NOMO3: variants seen among roughly 807,000 people sequenced by gnomAD.
NOMO3 encodes the protein NODAL modulator 3, also known as BOS complex subunit NOMO3.
NOMO3 carries 15 observed loss-of-function variants against 69.9 expected under a neutral mutation model. The ratio of observed to expected loss-of-function variants is 0.21; its 90% CI spans 0.14 to 0.33. The LOEUF (loss-of-function observed/expected upper bound fraction) is 0.33, where lower values mean the gene tolerates loss of function less well. NOMO3 is among the 10% of genes least tolerant of loss of function. The pLI, the probability that NOMO3 is intolerant of heterozygous loss-of-function variation, is 1.00. For synonymous variants in NOMO3, 89 were observed against 301.9 expected (o/e 0.29, Z 7.31); for missense variants, 218 against 761.0 (o/e 0.29, Z 8.39).
At chr16:16,234,462 T>TGA (rs2049309984) in intron 1 of NOMO3, among the ~76,000 whole-genome samples, 3 of 143,922 alleles carry the variant, frequency 2.1e-5, no homozygotes, top group Non-Finnish European at 4.5e-5. Context: ...CATTCTTTCA[T>TGA]AAGTAATTCA....
Position 16,270,178 on chromosome 16 carries a change from A to C in NOMO3, c.1952A>C (p.Tyr651Ser), listed in dbSNP as rs759476330. 6.4e-7 allele frequency: 1 copy of C among 1,560,658 alleles called. No homozygotes were observed. Among genetic ancestry groups the C allele is most frequent in the East Asian group, 2.6e-5 (1 of 37,992 alleles). ...CGGTTTGAGCAAGCGTTCTACACCT[A>C]TGACACGTAAGCCTGGGAATTGAAT... Reference protein sequence around the residue: ...CHRFEQAFYTYDTSSPSILTL... With the variant: ...CHRFEQAFYTSDTSSPSILTL... The change falls in exon 17 of 31, where the codon TAT becomes TCT. Residue 651 changes from tyrosine to serine, a missense_variant. By Grantham distance (144) the Tyr-to-Ser change is moderately radical. Transcript: ENST00000399336.
intron 1 of NOMO3, among the ~76,000 whole-genome samples, chr16:16,234,990 C>G (rs2049315299): frequency 6.6e-6 from 1 of 151,944 alleles, no homozygotes; most frequent in Admixed American, 6.6e-5. Context: ...TTGATGTTGC[C>G]TCCCTAACCG....
chr16:16,243,419 G>A (rs1350332453), intron 4 of NOMO3, among the ~76,000 whole-genome samples, 158 bp downstream of exon 4: 1 of 143,586 alleles, frequency 7.0e-6, no homozygotes, highest in Non-Finnish European at 1.5e-5. Context: ...TACTTCATCC[G>A]TGTAGAACAC....
In NOMO3 at chr16:16,270,153, C is replaced by A; in HGVS notation, c.1927C>A (p.Arg643=). ...VYKVTPRSCH[R]FEQAFYTYDT... ...CAAAGTGACCCCTCGCTCCTGCCAC[C>A]GGTTTGAGCAAGCGTTCTACACCTA... The change falls in exon 17 of 31, where the codon CGG becomes AGG. Residue 643 remains arginine, a synonymous_variant. Transcript: ENST00000399336. 1 of 1,554,144 alleles carries A rather than the reference C, an allele frequency of 6.4e-7. No individual in the cohort carries two copies. The highest frequency in any genetic ancestry group is 1.1e-5 in the South Asian group (1 of 87,514).
chr16:16,260,361 T>C (rs570862444), intron 11 of NOMO3, among the ~76,000 whole-genome samples: 1 of 140,894 alleles, frequency 7.1e-6, no homozygotes, highest in East Asian at 2.3e-4. Flanking sequence ...CACTTAAGAG[T>C]GTAAAATTCT....
chr16:16,267,758 T>A lies in NOMO3; in HGVS notation c.1894+627T>A, dbSNP rs1466011923. ...CCTCTCTCTCTTTTATAATGGCTTT[T>A]TTTGGAGGCAGAATTTGCATATCAT... is the stretch of plus-strand genomic sequence containing the variant. On this transcript the variant is annotated intron_variant, in intron 16 of 30. Coordinates refer to ENST00000399336, the MANE Select transcript of NOMO3 (RefSeq NM_001004067.4). Among the ~76,000 whole-genome samples the A allele has an allele frequency of 4.2e-5, 6 of 142,830 alleles. 1 individual carries two copies. The highest frequency in any genetic ancestry group is 5.9e-5 in the Non-Finnish European group (4 of 67,620). The allele number at this position is 142,830 out of a possible 152,430, so 93.7% of individuals were successfully genotyped here. A position where few individuals can be genotyped will look rare whatever the true frequency, so the allele number is the denominator to read the frequency against.
At chr16:16,263,465 G>A in intron 13 of NOMO3, 48 bp from the exon 14 acceptor site, 1 of 704,492 alleles carries the variant, frequency 1.4e-6, no homozygotes, top group Non-Finnish European at 2.3e-6. Flanking sequence ...AACCTGTGCT[G>A]AAGCCTTATA....
intron 9 of NOMO3, among the ~76,000 whole-genome samples, chr16:16,255,307 C>T (rs1263114139): frequency 1.4e-5 from 2 of 140,460 alleles, no homozygotes; most frequent in African/African-American, 3.0e-5. Context: ...CAGGACTGAT[C>T]GATGCTGGAG....
intron 15 of NOMO3, among the ~76,000 whole-genome samples, chr16:16,266,228 G>A (rs2049618265): frequency 7.4e-6 from 1 of 135,574 alleles, no homozygotes; most frequent in Non-Finnish European, 1.5e-5. Context: ...GGTGTTTCAT[G>A]TGCCAACTTA....
chr16:16,241,120 A>C (rs1370039718), intron 3 of NOMO3, among the ~76,000 whole-genome samples: 3 of 143,942 alleles, frequency 2.1e-5, no homozygotes, highest in African/African-American at 8.4e-5. Context: ...CCAGATAATA[A>C]GATAGCACTT....
chr16:16,232,606 G>A lies in NOMO3; in HGVS notation c.-61G>A. The A allele has an allele frequency of 2.5e-6, 1 of 403,400 alleles. No homozygotes were observed. The highest frequency in any genetic ancestry group is 3.9e-5 in the East Asian group (1 of 25,552). 25.0% of individuals were successfully genotyped at this position (403,400 alleles called of 1,614,324 possible). On this transcript the variant is annotated 5_prime_UTR_variant, in exon 1 of 31. The change creates a new upstream start codon in the 5' untranslated region. Coordinates refer to ENST00000399336, the MANE Select transcript of NOMO3 (RefSeq NM_001004067.4). ...CTAGGAGGAGGAAGGAGCCTGCGGC[G>A]TGCAGTGTGAGGGGCGGGACCCGGC...
intron 9 of NOMO3, among the ~76,000 whole-genome samples, chr16:16,254,769 G>A (rs1416103908): frequency 6.9e-6 from 1 of 144,644 alleles, no homozygotes; most frequent in East Asian, 2.2e-4. Context: ...GGTGACCTTG[G>A]GGATACACAG....
At chr16:16,269,136 C>T (rs2049642594) in intron 16 of NOMO3, among the ~76,000 whole-genome samples, 2 of 144,196 alleles carry the variant, frequency 1.4e-5, no homozygotes, top group Non-Finnish European at 3.0e-5. Flanking sequence ...TCTTACCCAT[C>T]AGTTCAGTAT....
Position 16,261,683 on chromosome 16 carries a change from T to A in NOMO3, c.1395+7T>A. 1 of 1,558,462 alleles carries A rather than the reference T, an allele frequency of 6.4e-7. No homozygotes were observed. Among genetic ancestry groups the A allele is most frequent in the Non-Finnish European group, 8.6e-7 (1 of 1,165,622 alleles). On this transcript the variant is annotated splice_region_variant and intron_variant, in intron 12 of 30. Transcript: ENST00000399336. ...AGGGACTTACAAAGTGCAGGTGCGA[T>A]GCATTGTTTTAAATTTAAAATGTTT... is the stretch of plus-strand genomic sequence containing the variant.
chr16:16,266,113 T>A (rs1179967409), intron 15 of NOMO3, among the ~76,000 whole-genome samples: 4 of 128,120 alleles, frequency 3.1e-5, no homozygotes, highest in Admixed American at 7.7e-5. Context: ...GGAGCACCTC[T>A]GTAGATCCCT....
chr16:16,264,914 T>C (rs1425099627), intron 14 of NOMO3, 129 bp from the exon 15 acceptor site: 7 of 598,104 alleles, frequency 1.2e-5, no homozygotes, highest in Non-Finnish European at 1.9e-5. Flanking sequence ...TGTGTATATT[T>C]CTATCTTTAT....
Sources: allele counts gnomAD v4.1 joint callset (sites outside exome capture counted in the v4.1 genomes callset), GRCh38; gene constraint gnomAD v4.1.1; transcripts MANE v1.5; gene names NCBI Gene and HGNC (gene_info 2026-07-23, HGNC 2026-07-21).